The following ENPEP variants were observed in gnomAD, a reference collection of about 807,000 sequenced individuals.
ENPEP encodes the protein AP-A.
Under a neutral mutation model 114.5 loss-of-function variants are expected in ENPEP, and 103 were observed. The observed-to-expected ratio is 0.90, with a 90% CI of 0.77 to 1.06. The LOEUF is 1.06. Among genes scored for constraint, ENPEP ranks in the 50% least tolerant of loss-of-function variants. The pLI is 0.00. For missense variants in ENPEP, 1,196 were observed against 1,161.3 expected (o/e 1.03, Z -0.43); for synonymous variants, 420 against 422.0 (o/e 1.00, Z 0.06).
chr4:110,559,790 TTTTAC>T (rs2110405116), intron 19 of ENPEP, 65 bp downstream of exon 19: 1 of 1,332,708 alleles, frequency 7.5e-7, no homozygotes, highest in South Asian at 1.2e-5. Flanking sequence ...TTAAAAAAAA[TTTTAC>T]TTTAAGTTCT....
chr4:110,519,322 C>A (rs1045102894), intron 8 of ENPEP: 1 of 233,744 alleles, frequency 4.3e-6, no homozygotes, highest in African/African-American at 2.2e-5. Flanking sequence ...AAGATGGTTC[C>A]ATTTTCTATC....
At chr4:110,484,570 GA>G (rs2110333342) in intron 1 of ENPEP, among the ~76,000 whole-genome samples, 1 of 151,976 alleles carries the variant, frequency 6.6e-6, no homozygotes, top group Admixed American at 6.6e-5. Context: ...ACCGCACAGA[GA>G]AATCTCCCAC....
At chr4:110,551,726 C>A (rs111817393) in intron 17 of ENPEP, among the ~76,000 whole-genome samples, 2 of 152,130 alleles carry the variant, frequency 1.3e-5, no homozygotes, top group Non-Finnish European at 1.5e-5. Flanking sequence ...CTTTGTCTGC[C>A]AGTCTAGTTT....
chr4:110,512,136 T>C (rs1212530266), intron 6 of ENPEP, among the ~76,000 whole-genome samples: 1 of 152,190 alleles, frequency 6.6e-6, no homozygotes, highest in Non-Finnish European at 1.5e-5. Flanking sequence ...TTCTTGCCCT[T>C]AAGGAGTTCT....
rs974545807 is a variant in ENPEP, at chr4:110,517,038, G to A, written c.1509+1596G>A. Among the ~76,000 whole-genome samples the A allele has an allele frequency of 4.0e-4, 61 of 152,140 alleles. 1 individual carries two copies. The highest frequency in any genetic ancestry group is 1.4e-3 in the African/African-American group (58 of 41,484). The stretch of plus-strand genomic sequence containing the variant: ...GGCTCATTGCAACCTCTGCCTCCCG[G>A]GTTCAAGCGATTCTCATGTCTCAGT... On this transcript the variant is annotated intron_variant, in intron 8 of 19. Transcript: ENST00000265162.
intron 12 of ENPEP, 45 bp downstream of exon 12, chr4:110,542,932 A>T (rs1726906145): frequency 6.2e-7 from 1 of 1,610,826 alleles, no homozygotes; most frequent in African/African-American, 1.3e-5. Flanking sequence ...TGTTCTAAGA[A>T]CAGCATCTTA....
chr4:110,564,881 G>A lies in ENPEP; in HGVS notation c.*3323G>A, dbSNP rs1033291847. Reference sequence around the variant, plus strand: ...AGATGCAGCAGTATTCCAGATAGAGGCCGCACTATGAGCCTGAATTCCAGG... The same window carrying A: ...AGATGCAGCAGTATTCCAGATAGAGACCGCACTATGAGCCTGAATTCCAGG... On this transcript the variant is annotated 3_prime_UTR_variant, in exon 20 of 20. Coordinates refer to ENST00000265162, the MANE Select transcript of ENPEP (RefSeq NM_001977.4). The A allele has an allele frequency of 6.6e-6, 1 of 152,136 alleles. No homozygotes were observed. Among genetic ancestry groups the A allele is most frequent in the East Asian group, 1.9e-4 (1 of 5,192 alleles). The allele number at this position is 152,136 out of a possible 1,614,324, so 9.4% of individuals were successfully genotyped here.
chr4:110,559,721 G>T lies in ENPEP; in HGVS notation c.2717G>T (p.Trp906Leu), dbSNP rs1023658996. 6.2e-7 allele frequency: 1 copy of T among 1,612,488 alleles called. No homozygotes were observed. The highest frequency in any genetic ancestry group is 8.5e-7 in the Non-Finnish European group (1 of 1,178,758). The change falls in exon 19 of 20, where the codon TGG (tryptophan) becomes TTG (leucine). Residue 906 changes from tryptophan (W) to leucine (L), a missense_variant. Trp to Leu is a moderately conservative substitution (Grantham distance 61). Coordinates refer to ENST00000265162, the MANE Select transcript of ENPEP (RefSeq NM_001977.4). ...CCATTCAACACTGAACTGCAACTGT[G>T]GCAGGTATGAAGATAAATTCCTCTG... ...AEPFNTELQL[W>L]QMESFFAKYP...
chr4:110,478,858 C>A (rs189942677), intron 1 of ENPEP, among the ~76,000 whole-genome samples: 2 of 152,156 alleles, frequency 1.3e-5, no homozygotes, highest in Non-Finnish European at 2.9e-5. Context: ...ATAAACAAAT[C>A]ATCAAATAAC....
intron 1 of ENPEP, 21 bp from the exon 2 acceptor site, chr4:110,488,520 G>T: frequency 6.3e-7 from 1 of 1,590,652 alleles, no homozygotes; most frequent in Non-Finnish European, 8.5e-7. Flanking sequence ...CATTTCGTTT[G>T]TTTGTTTGTT....
chr4:110,563,736 C>T lies in ENPEP; in HGVS notation c.*2178C>T, dbSNP rs1727748010. 1 of 152,114 alleles carries T rather than the reference C, an allele frequency of 6.6e-6. No homozygotes were observed. Among genetic ancestry groups the T allele is most frequent in the Non-Finnish European group, 1.5e-5 (1 of 67,996 alleles). The allele number at this position is 152,114 out of a possible 1,614,324, so 9.4% of individuals were successfully genotyped here. On this transcript the variant is annotated 3_prime_UTR_variant, in exon 20 of 20. Transcript: ENST00000265162. ...CAAGGTCATGTAGCAAAAAGCAAGGCCAGTATTACTGCCTCCCCTCTAGGC... is the reference window on the plus strand; with the variant it reads ...CAAGGTCATGTAGCAAAAAGCAAGGTCAGTATTACTGCCTCCCCTCTAGGC...
At chr4:110,477,176 T>C (rs1724146164) in intron 1 of ENPEP, 118 bp downstream of exon 1, 1 of 1,352,826 alleles carries the variant, frequency 7.4e-7, no homozygotes, top group East Asian at 2.5e-5. Flanking sequence ...TGATCGGCTC[T>C]TGGTTTCAAT....
chr4:110,539,582 G>C (rs1366312031), intron 11 of ENPEP, among the ~76,000 whole-genome samples: 1 of 151,938 alleles, frequency 6.6e-6, no homozygotes, highest in Non-Finnish European at 1.5e-5. Context: ...AATTGAGATG[G>C]GGGTCTTGCT....
chr4:110,487,561 T>C (rs1470489673), intron 1 of ENPEP, among the ~76,000 whole-genome samples: 1 of 152,324 alleles, frequency 6.6e-6, no homozygotes, highest in East Asian at 1.9e-4. Context: ...ACTCAATTAA[T>C]GTTTCTTGGA....
At chr4:110,531,789 GA>G (rs1302911904) in intron 11 of ENPEP, among the ~76,000 whole-genome samples, 2 of 151,894 alleles carry the variant, frequency 1.3e-5, no homozygotes, top group Non-Finnish European at 2.9e-5. Flanking sequence ...CCAGATTGAT[GA>G]AAAAAATAAT....
At chr4:110,558,492 A>T (rs1562641) in intron 18 of ENPEP, among the ~76,000 whole-genome samples, 1 of 151,818 alleles carries the variant, frequency 6.6e-6, no homozygotes. Context: ...ATGGGGTTTC[A>T]CCATGTTGCC....
chr4:110,478,116 A>G (rs1724182183), intron 1 of ENPEP, among the ~76,000 whole-genome samples: 1 of 152,148 alleles, frequency 6.6e-6, no homozygotes, highest in African/African-American at 2.4e-5. Flanking sequence ...TCCACCCACA[A>G]ATATCCCTTT....
chr4:110,524,493 A>G (rs1726122955), intron 10 of ENPEP, among the ~76,000 whole-genome samples: 1 of 152,224 alleles, frequency 6.6e-6, no homozygotes, highest in African/African-American at 2.4e-5. Context: ...TACCGAATTC[A>G]TTTACAATTT....
chr4:110,544,050 G>C (rs1726954031), intron 13 of ENPEP, among the ~76,000 whole-genome samples: 1 of 151,912 alleles, frequency 6.6e-6, no homozygotes, highest in Admixed American at 6.6e-5. Flanking sequence ...TAAAGGCATG[G>C]GGAAACTATT....
Sources: allele counts gnomAD v4.1 joint callset (sites outside exome capture counted in the v4.1 genomes callset), GRCh38; gene constraint gnomAD v4.1.1; transcripts MANE v1.5; gene names NCBI Gene and HGNC (gene_info 2026-07-23, HGNC 2026-07-21).